LARGE1: variants seen among roughly 807,000 people sequenced by gnomAD.
LARGE1 encodes the protein LARGE xylosyl- and glucuronyltransferase 1, also known as xylosyl- and glucuronyltransferase LARGE1.
Under a neutral mutation model 87.6 loss-of-function variants are expected in LARGE1, and 43 were observed. That is an observed-to-expected ratio of 0.49 (90% CI 0.38 to 0.63). The LOEUF (loss-of-function observed/expected upper bound fraction) is 0.63. LARGE1 is among the 30% of genes least tolerant of loss of function. LARGE1 has a pLI of 0.00. For synonymous variants in LARGE1, 434 were observed against 394.6 expected (o/e 1.10, Z -1.18); for missense variants, 802 against 1,000.2 (o/e 0.80, Z 2.67).
At chr22:33,593,940 A>G (rs112818099) in intron 5 of LARGE1, among the ~76,000 whole-genome samples, 19 of 152,338 alleles carry the variant, frequency 1.2e-4, no homozygotes, top group African/African-American at 4.6e-4. Context: ...TGGTTCCACA[A>G]TGCATTCGCT....
chr22:33,290,746 G>T (rs763899930), intron 12 of LARGE1, among the ~76,000 whole-genome samples: 1 of 152,044 alleles, frequency 6.6e-6, no homozygotes, highest in Non-Finnish European at 1.5e-5. Flanking sequence ...CCATTTAGAA[G>T]TTCCCTTCCC....
intron 2 of LARGE1, chr22:33,723,724 T>C (rs239314): frequency 0.089 from 13,424 of 151,614 alleles, 906 homozygotes; most frequent in African/African-American, 0.19. Flanking sequence ...TGAGCCCCCC[T>C]TTTTTCCCCC....
At chr22:33,375,390 C>T (rs893093462) in intron 9 of LARGE1, among the ~76,000 whole-genome samples, 1 of 152,112 alleles carries the variant, frequency 6.6e-6, no homozygotes, top group Non-Finnish European at 1.5e-5. Context: ...TCTCTGCCTG[C>T]CACAGTGGCT....
intron 5 of LARGE1, among the ~76,000 whole-genome samples, chr22:33,568,766 C>CAAAAAAAAAAAAAAAAAAA (rs57651807): frequency 1.1e-5 from 1 of 92,790 alleles, no homozygotes; most frequent in African/African-American, 3.6e-5. Context: ...AACTCAGTCT[C>CAAAAAAAAAAAAAAAAAAA]AAAAAAAAAA....
At chr22:33,379,050 A>G (rs2065072410) in intron 9 of LARGE1, among the ~76,000 whole-genome samples, 1 of 152,148 alleles carries the variant, frequency 6.6e-6, no homozygotes, top group Non-Finnish European at 1.5e-5. Flanking sequence ...ACCCTGCAGC[A>G]ACAATAGTGT....
chr22:33,445,981 G>A (rs2067673277), intron 6 of LARGE1, among the ~76,000 whole-genome samples: 1 of 152,198 alleles, frequency 6.6e-6, no homozygotes, highest in African/African-American at 2.4e-5. Flanking sequence ...GGCCCCTAGA[G>A]AGCTTCAGAA....
At chr22:33,309,984 C>A (rs1935382630) in intron 11 of LARGE1, among the ~76,000 whole-genome samples, 1 of 152,188 alleles carries the variant, frequency 6.6e-6, no homozygotes, top group South Asian at 2.1e-4. Context: ...ATCGCTCTGC[C>A]TGTTACATGG....
chr22:33,196,798 G>A (rs1182218967), intron 11 of LARGE1, among the ~76,000 whole-genome samples: 1 of 151,600 alleles, frequency 6.6e-6, no homozygotes, highest in Non-Finnish European at 1.5e-5. Context: ...AGGGAGGAGG[G>A]TGAGAAAGGA....
chr22:33,216,139 C>T (rs1568977117), intron 11 of LARGE1, among the ~76,000 whole-genome samples: 1 of 152,184 alleles, frequency 6.6e-6, no homozygotes, highest in Admixed American at 6.5e-5. Flanking sequence ...AGCTCTGTCA[C>T]GTGCTAAATG....
At chr22:33,450,383 C>T (rs1361285504) in intron 6 of LARGE1, among the ~76,000 whole-genome samples, 2 of 150,078 alleles carry the variant, frequency 1.3e-5, no homozygotes, top group Non-Finnish European at 3.0e-5. Context: ...AGGCAGATCA[C>T]GTGAGGTCAG....
intron 6 of LARGE1, among the ~76,000 whole-genome samples, chr22:33,449,723 C>G (rs1453093450): frequency 6.6e-6 from 1 of 152,218 alleles, no homozygotes; most frequent in Non-Finnish European, 1.5e-5. Context: ...TCGAGGAGAG[C>G]AATCAATTGC....
intron 9 of LARGE1, among the ~76,000 whole-genome samples, chr22:33,364,116 G>T (rs564642268): frequency 6.6e-6 from 1 of 151,202 alleles, no homozygotes; most frequent in African/African-American, 2.4e-5. Context: ...GTGCAGTGGC[G>T]CAATCTCGGC....
chr22:33,235,254 C>A (rs568790762), intron 11 of LARGE1, among the ~76,000 whole-genome samples: 92 of 152,198 alleles, frequency 6.0e-4, no homozygotes, highest in African/African-American at 2.1e-3. Context: ...GAATAAAAAC[C>A]AAGTAGACAA....
At chr22:33,516,387 T>C (rs2148475632) in intron 6 of LARGE1, among the ~76,000 whole-genome samples, 1 of 152,216 alleles carries the variant, frequency 6.6e-6, no homozygotes, top group South Asian at 2.1e-4. Context: ...TAAAGGGCCT[T>C]GTGCTGACGA....
intron 7 of LARGE1, among the ~76,000 whole-genome samples, chr22:33,431,699 T>C (rs755636559): frequency 4.6e-5 from 7 of 152,186 alleles, no homozygotes; most frequent in Non-Finnish European, 7.3e-5. Context: ...TCCCACCACA[T>C]ACATGGAAGT....
intron 6 of LARGE1, among the ~76,000 whole-genome samples, chr22:33,493,236 C>G (rs571922364): frequency 1.3e-5 from 2 of 149,592 alleles, no homozygotes; most frequent in South Asian, 4.3e-4. Context: ...TCTCGGCTCG[C>G]TGCAACCTTC....
rs980029498 is a variant in LARGE1, at chr22:33,372,034, G to C, written c.1131+9885C>G. Among the ~76,000 whole-genome samples, 5 of 151,586 alleles carry C rather than the reference G, an allele frequency of 3.3e-5. No individual in the cohort carries two copies. In the South Asian group the frequency reaches 1.0e-3, roughly 32 times the overall value. ...TAAACATTTGGAATAAATGGAATGT[G>C]GAATAAATGTTTATAAAATAACTTT... On this transcript the variant is annotated intron_variant, in intron 9 of 14. Transcript: ENST00000397394.
At chr22:33,784,203 C>T (rs1414099971) in intron 1 of LARGE1, among the ~76,000 whole-genome samples, 1 of 152,184 alleles carries the variant, frequency 6.6e-6, no homozygotes. Context: ...AACATTACGA[C>T]TTGCAGTAGT....
intron 1 of LARGE1, among the ~76,000 whole-genome samples, chr22:33,763,243 T>A (rs901078066): frequency 1.3e-5 from 2 of 152,034 alleles, no homozygotes; most frequent in East Asian, 3.9e-4. Flanking sequence ...GCTTCAGGAG[T>A]TTATGTTCAG....
Sources: allele counts gnomAD v4.1 joint callset (sites outside exome capture counted in the v4.1 genomes callset), GRCh38; gene constraint gnomAD v4.1.1; transcripts MANE v1.5; gene names NCBI Gene and HGNC (gene_info 2026-07-23, HGNC 2026-07-21).